Variants in OPA1 observed in about 807,000 individuals in gnomAD.
OPA1 encodes dynamin-like GTPase OPA1, mitochondrial.
A neutral mutation model predicts 152.9 loss-of-function variants in OPA1; 59 were observed. The ratio of observed to expected loss-of-function variants is 0.39; its 90% confidence interval spans 0.31 to 0.48. The LOEUF is 0.48. Among genes scored for constraint, OPA1 ranks in the 20% least tolerant of loss-of-function variants. The pLI is 0.96. For missense variants in OPA1, 1,008 were observed against 1,216.8 expected, an observed-to-expected ratio of 0.83 and a Z score of 2.55; for synonymous variants, 400 against 389.9, an observed-to-expected ratio of 1.03 and a Z score of -0.31.
intron 6 of OPA1, among the ~76,000 whole-genome samples, chr3:193,623,425 A>G (rs1042625480): frequency 6.6e-6 from 1 of 152,092 alleles, no homozygotes; most frequent in African/African-American, 2.4e-5. Context: ...AGTTATTACT[A>G]ATTTTCTTGA....
At chr3:193,605,113 C>T (rs1271766846) in intron 1 of OPA1, among the ~76,000 whole-genome samples, 2 of 152,126 alleles carry the variant, frequency 1.3e-5, no homozygotes, top group Non-Finnish European at 2.9e-5. Flanking sequence ...TGTGGCATTA[C>T]ACTCCAGGTG....
chr3:193,604,872 A>AAAAAC, intron 1 of OPA1, among the ~76,000 whole-genome samples: 1 of 151,694 alleles, frequency 6.6e-6, no homozygotes, highest in East Asian at 1.9e-4. Flanking sequence ...AAAAAAAAAA[A>AAAAAC]AAAGAAAAAA....
At chr3:193,636,325 G>A in intron 9 of OPA1, among the ~76,000 whole-genome samples, 1 of 96,812 alleles carries the variant, frequency 1.0e-5, no homozygotes, top group Non-Finnish European at 2.3e-5. Context: ...GCTAATATAT[G>A]TAGAGTTTAC....
chr3:193,688,024 T>A (rs569313026), intron 29 of OPA1, among the ~76,000 whole-genome samples: 1 of 152,268 alleles, frequency 6.6e-6, no homozygotes, highest in South Asian at 2.1e-4. Context: ...TTGACTTTCA[T>A]TATCTATGTG....
intron 1 of OPA1, among the ~76,000 whole-genome samples, chr3:193,611,322 G>A (rs1000916771): frequency 6.6e-6 from 1 of 152,072 alleles, no homozygotes; most frequent in Non-Finnish European, 1.5e-5. Context: ...AGCTAGGTTG[G>A]GCACGATGGC....
chr3:193,642,805 A>G lies in OPA1; in HGVS notation c.1190A>G (p.Lys397Arg). 1 of 1,613,828 alleles carries G rather than the reference A, an allele frequency of 6.2e-7. No individual in the cohort carries two copies. The highest frequency in any genetic ancestry group is 2.2e-5 in the East Asian group (1 of 44,864). Residue 397 changes from lysine (K) to arginine (R), a missense_variant, in exon 12 of 31, where the codon AAA becomes AGA. Lys to Arg is a conservative substitution (Grantham distance 26). Transcript: ENST00000361510. The part of the protein sequence containing the change: ...SEGPHHVALF[K>R]DSSREFDLTK... ...GGTCCTCACCATGTGGCCCTATTTAAAGATAGTTCTCGGGAGTTTGATCTT... is the reference window on the plus strand; with the variant it reads ...GGTCCTCACCATGTGGCCCTATTTAGAGATAGTTCTCGGGAGTTTGATCTT...
At chr3:193,629,790 CCTAA>C (rs761765662) in intron 7 of OPA1, among the ~76,000 whole-genome samples, 20 of 152,096 alleles carry the variant, frequency 1.3e-4, no homozygotes, top group African/African-American at 2.2e-4. Flanking sequence ...TACTAAACAT[CCTAA>C]CTTTTTTGTT....
Position 193,688,449 on chromosome 3 carries a change from C to CT in OPA1, c.2984-3567dup, listed in dbSNP as rs766448341. Among the ~76,000 whole-genome samples the CT allele has an allele frequency of 3.2e-5, 2 of 63,362 alleles. 1 individual carries two copies. Among genetic ancestry groups the CT allele is most frequent in the Admixed American group, 4.3e-4 (2 of 4,664 alleles). The allele number at this position is 63,362 out of a possible 152,430, so 41.6% of individuals were successfully genotyped here. On this transcript the variant is annotated intron_variant, in intron 29 of 30. Coordinates refer to ENST00000361510, the MANE Select transcript of OPA1 (RefSeq NM_130837.3). ...TGATTTTTACTGAAATGGGTCTTTTCTTTTTTTTTTTTTTTTTTTTTTTTT... is the reference window on the plus strand; with the variant it reads ...TGATTTTTACTGAAATGGGTCTTTTCTTTTTTTTTTTTTTTTTTTTTTTTTT...
chr3:193,606,117 G>A (rs1727227638), intron 1 of OPA1, among the ~76,000 whole-genome samples: 1 of 152,116 alleles, frequency 6.6e-6, no homozygotes, highest in Non-Finnish European at 1.5e-5. Context: ...CCTAGAGGGA[G>A]GTTTATCAGC....
rs930785978 is a variant in OPA1 at position 193,689,848 on chromosome 3, G to A, written c.2984-2215G>A. On this transcript the variant is annotated intron_variant, in intron 29 of 30. Coordinates refer to ENST00000361510, the MANE Select transcript of OPA1 (RefSeq NM_130837.3). ...CAATGAAATGTGGAGAGAAGCACCC[G>A]TTTGAGATTCCCGTGTGTTGTGTGA... is the stretch of plus-strand genomic sequence containing the variant. 7.9e-5 allele frequency among the ~76,000 whole-genome samples: 12 copies of A among 152,234 alleles called. No homozygotes were observed. The East Asian group carries it at 9.6e-4, about 12-fold the overall frequency.
chr3:193,694,232 G>A (rs906808611), intron 30 of OPA1, among the ~76,000 whole-genome samples: 2 of 152,138 alleles, frequency 1.3e-5, no homozygotes, highest in African/African-American at 4.8e-5. Context: ...CTGGCAGAAT[G>A]GTAACCTTGC....
chr3:193,626,191 CAG>C lies in OPA1; in HGVS notation c.780_781del (p.Lys261AlafsTer10), dbSNP rs954901985. 2.5e-6 allele frequency: 4 copies of C among 1,613,244 alleles called. No homozygotes were observed. The highest frequency in any genetic ancestry group is 3.4e-6 in the Non-Finnish European group (4 of 1,179,312). On this transcript the variant is annotated frameshift_variant, in exon 7 of 31. Transcript: ENST00000361510. LOFTEE classifies it high-confidence loss of function. ...CCAATATAGCACGAGCTATGCCCAA[CAG>C]AAGCGCAAGGTGATGGATGGTTTAA... The part of the protein sequence containing the change: ...AGQYSTSYAQ[Q>X]KRKVSDKEKI...
At chr3:193,602,507 G>A (rs539809137) in intron 1 of OPA1, among the ~76,000 whole-genome samples, 8 of 152,322 alleles carry the variant, frequency 5.3e-5, no homozygotes, top group Non-Finnish European at 1.2e-4. Flanking sequence ...GAGTTTAAGA[G>A]AGCAGGAGAA....
At chr3:193,601,711 C>T (rs74351059) in intron 1 of OPA1, among the ~76,000 whole-genome samples, 14 of 152,202 alleles carry the variant, frequency 9.2e-5, no homozygotes, top group African/African-American at 2.2e-4. Flanking sequence ...GCACAATATA[C>T]GTTTTGTAGG....
chr3:193,635,345 T>G, intron 8 of OPA1, 73 bp from the exon 9 acceptor site: 1 of 914,440 alleles, frequency 1.1e-6, no homozygotes, highest in South Asian at 1.4e-5. Flanking sequence ...TTTTGGAAGA[T>G]TTTAATTTAG....
chr3:193,671,074 A>G (rs1245388683), intron 29 of OPA1, among the ~76,000 whole-genome samples: 2 of 152,226 alleles, frequency 1.3e-5, no homozygotes, highest in Non-Finnish European at 2.9e-5. Context: ...TGGTAATTAT[A>G]TAAATAAGGG....
chr3:193,690,320 CCA>C (rs1156835911), intron 29 of OPA1, among the ~76,000 whole-genome samples: 4 of 115,154 alleles, frequency 3.5e-5, no homozygotes, highest in Non-Finnish European at 5.1e-5. Context: ...CCACCCCACC[CCA>C]CACACACACA....
intron 29 of OPA1, chr3:193,668,816 G>A (rs897501428): frequency 2.4e-5 from 28 of 1,148,018 alleles, no homozygotes; most frequent in Non-Finnish European, 3.0e-5. Flanking sequence ...GTTTCTTGTA[G>A]GTTCCTAGCT....
chr3:193,683,783 C>T (rs139755037), intron 29 of OPA1, among the ~76,000 whole-genome samples: 15 of 152,290 alleles, frequency 9.8e-5, no homozygotes, highest in Middle Eastern at 3.4e-3. Flanking sequence ...TCTTTTTAGA[C>T]ATAATGCTAT....
Sources: gnomAD v4.1 joint callset for allele counts (sites outside exome capture counted in the v4.1 genomes callset) on GRCh38, gnomAD v4.1.1 for gene constraint, MANE v1.5 for transcripts, NCBI Gene and HGNC (gene_info 2026-07-23, HGNC 2026-07-21) for gene names.